MRC1: variants seen among roughly 807,000 people sequenced by gnomAD.
MRC1 encodes macrophage mannose receptor 1.
A neutral mutation model predicts 102.9 loss-of-function variants in MRC1; 62 were observed. That is an observed-to-expected ratio of 0.60 (90% confidence interval 0.49 to 0.74). The LOEUF (loss-of-function observed/expected upper bound fraction) is 0.74, where lower values mean the gene tolerates loss of function less well. MRC1 is among the 30% of genes least tolerant of loss of function. The pLI is 0.00. For synonymous variants in MRC1, 457 were observed against 298.4 expected, an observed-to-expected ratio of 1.53 and a Z score of -5.48; for missense variants, 1,237 against 862.8, an observed-to-expected ratio of 1.43 and a Z score of -5.43.
chr10:17,834,750 TTG>T (rs1176340004), intron 4 of MRC1, among the ~76,000 whole-genome samples: 1 of 152,156 alleles, frequency 6.6e-6, no homozygotes, highest in Non-Finnish European at 1.5e-5. Flanking sequence ...TTTTATTAGA[TTG>T]TGAAGACTAA....
intron 22 of MRC1, among the ~76,000 whole-genome samples, chr10:17,892,056 G>C (rs1258813750): frequency 6.6e-6 from 1 of 152,178 alleles, no homozygotes; most frequent in Non-Finnish European, 1.5e-5. Flanking sequence ...TCCTAGGTTA[G>C]TTAACGTGTG....
rs1326403730 is a variant in MRC1, at chr10:17,815,531, G to A, written c.61+6005G>A. Among the ~76,000 whole-genome samples the A allele has an allele frequency of 3.9e-5, 6 of 152,284 alleles. No homozygotes were observed. In the East Asian group the frequency reaches 7.7e-4, roughly 20 times the overall value. Reference sequence around the variant, plus strand: ...TCACAGTCCAGGACACAGGTAGGGCGGTCAGCAGGAGGAAGGAAGCCTCTT... The same window carrying A: ...TCACAGTCCAGGACACAGGTAGGGCAGTCAGCAGGAGGAAGGAAGCCTCTT... On this transcript the variant is annotated intron_variant, in intron 1 of 29. Transcript: ENST00000569591.
At chr10:17,824,108 T>C (rs1838438597) in intron 2 of MRC1, among the ~76,000 whole-genome samples, 2 of 152,358 alleles carry the variant, frequency 1.3e-5, no homozygotes, top group African/African-American at 4.8e-5. Context: ...GTGGGAGGAA[T>C]CCTCTTATAT....
chr10:17,838,397 T>C (rs1248938739), intron 4 of MRC1, among the ~76,000 whole-genome samples: 1 of 152,130 alleles, frequency 6.6e-6, no homozygotes, highest in African/African-American at 2.4e-5. Context: ...GGACGCTCTA[T>C]GGAGTCTCTG....
intron 2 of MRC1, among the ~76,000 whole-genome samples, chr10:17,825,374 G>T (rs1315511419): frequency 2.6e-5 from 4 of 152,238 alleles, no homozygotes; most frequent in South Asian, 4.2e-4. Context: ...ATGTGTCAGT[G>T]GGGTAGTTGG....
intron 3 of MRC1, among the ~76,000 whole-genome samples, chr10:17,830,361 A>T (rs1838551270): frequency 6.6e-6 from 1 of 151,172 alleles, no homozygotes; most frequent in East Asian, 1.9e-4. Context: ...CGAACTCCTG[A>T]CCTCAAATGA....
At chr10:17,812,771 C>T (rs1409904722) in intron 1 of MRC1, among the ~76,000 whole-genome samples, 1 of 151,968 alleles carries the variant, frequency 6.6e-6, no homozygotes, top group Non-Finnish European at 1.5e-5. Flanking sequence ...TGGGGTTTCA[C>T]CATGTTGGCC....
chr10:17,863,801 C>G, intron 11 of MRC1, 119 bp downstream of exon 11: 5 of 670,534 alleles, frequency 7.5e-6, no homozygotes, highest in Non-Finnish European at 1.1e-5. Context: ...CTTTTAGTAA[C>G]AATTTATATT....
In MRC1 at chr10:17,904,032, T is replaced by G. The variant is rs911903909; in HGVS notation, c.3799+1910T>G. Among the ~76,000 whole-genome samples, 347 of 152,324 alleles carry G rather than the reference T, an allele frequency of 2.3e-3. 4 individuals are homozygous for G. Among genetic ancestry groups the G allele is most frequent in the Non-Finnish European group, 2.4e-4 (16 of 68,032 alleles). On this transcript the variant is annotated intron_variant, in intron 26 of 29. Transcript: ENST00000569591. The stretch of plus-strand genomic sequence containing the variant: ...ATAGTGTACAAAAACTTTGCTGTTA[T>G]GTAGCTCCATTCCCTCTGCCTTCCT...
At chr10:17,883,047 A>G (rs1833540888) in intron 21 of MRC1, among the ~76,000 whole-genome samples, 1 of 152,160 alleles carries the variant, frequency 6.6e-6, no homozygotes. Flanking sequence ...GAGCTTTTCC[A>G]TGTTTCATTT....
chr10:17,822,601 A>G (rs201271426), intron 1 of MRC1, among the ~76,000 whole-genome samples: 5,524 of 152,350 alleles, frequency 0.036, 204 homozygotes, highest in East Asian at 0.21. Context: ...AGCCTGAGCA[A>G]CAGAGTGAGA....
rs945969232 is a variant in MRC1 at position 17,877,237 on chromosome 10, A to C, written c.2551-663A>C. Among the ~76,000 whole-genome samples, 1,077 of 148,382 alleles carry C rather than the reference A, an allele frequency of 7.3e-3. 11 individuals carry two copies. The highest frequency in any genetic ancestry group is 0.02 in the African/African-American group (824 of 40,874). On this transcript the variant is annotated intron_variant, in intron 17 of 29. Coordinates refer to ENST00000569591, the MANE Select transcript of MRC1 (RefSeq NM_002438.4). ...TCCTCCTGGCTCATACACAGATATAAATTATAATATATATGTAATATATAC... is the reference window on the plus strand; with the variant it reads ...TCCTCCTGGCTCATACACAGATATACATTATAATATATATGTAATATATAC...
chr10:17,909,896 A>G (rs943564532), intron 29 of MRC1, among the ~76,000 whole-genome samples: 2 of 151,948 alleles, frequency 1.3e-5, no homozygotes, highest in African/African-American at 4.8e-5. Flanking sequence ...ATCATTACTA[A>G]TCTACTTATC....
intron 24 of MRC1, among the ~76,000 whole-genome samples, chr10:17,900,323 G>C (rs1833812620): frequency 6.6e-6 from 1 of 151,870 alleles, no homozygotes; most frequent in African/African-American, 2.4e-5. Flanking sequence ...GTTTACCATT[G>C]GTGCTGTTTC....
intron 18 of MRC1, among the ~76,000 whole-genome samples, chr10:17,878,631 T>A (rs1833469875): frequency 6.6e-6 from 1 of 152,174 alleles, no homozygotes; most frequent in African/African-American, 2.4e-5. Context: ...ATTGTCATCT[T>A]TGAGCAATAG....
chr10:17,880,478 A>G, intron 19 of MRC1, 47 bp from the exon 20 acceptor site: 1 of 778,546 alleles, frequency 1.3e-6, no homozygotes, highest in Admixed American at 1.7e-5. Flanking sequence ...ATAATGTTTT[A>G]AAACATAAAC....
chr10:17,858,822 A>G (rs1735235075), intron 9 of MRC1, among the ~76,000 whole-genome samples: 2 of 152,216 alleles, frequency 1.3e-5, no homozygotes, highest in Non-Finnish European at 2.9e-5. Flanking sequence ...TGCCAGGCCC[A>G]GAGTGATTCT....
chr10:17,871,888 A>G (rs1833359655), intron 14 of MRC1, 94 bp from the exon 15 acceptor site: 1 of 722,990 alleles, frequency 1.4e-6, no homozygotes. Context: ...TGATAAAACA[A>G]TGCAAACATA....
chr10:17,879,645 G>C, intron 18 of MRC1, 76 bp from the exon 19 acceptor site: 1 of 780,600 alleles, frequency 1.3e-6, no homozygotes, highest in Middle Eastern at 2.3e-4. Context: ...TTACAGGCGT[G>C]AGCCACTGCT....
Sources: gnomAD v4.1 joint callset for allele counts (sites outside exome capture counted in the v4.1 genomes callset) on GRCh38, gnomAD v4.1.1 for gene constraint, MANE v1.5 for transcripts, NCBI Gene and HGNC (gene_info 2026-07-23, HGNC 2026-07-21) for gene names.